The following KIAA1217 variants were observed in gnomAD, a reference collection of about 807,000 sequenced individuals.
KIAA1217 encodes the protein KIAA1217.
In KIAA1217, 88 loss-of-function variants were observed where a neutral mutation model predicts 163.9. That is an observed-to-expected ratio of 0.54 (90% CI 0.45 to 0.64). KIAA1217 has a LOEUF of 0.64. Ranked by LOEUF, KIAA1217 falls within the 30% of genes least tolerant of loss-of-function variation. The probability of loss-of-function intolerance (pLI) is 0.00; values close to 1 mark genes in which losing one functional copy is unlikely to be tolerated. For synonymous variants in KIAA1217, 903 were observed against 923.1 expected (o/e 0.98, Z 0.39); for missense variants, 2,372 against 2,475.0 (o/e 0.96, Z 0.88).
At chr10:23,938,045 A>C (rs1843607303) in intron 1 of KIAA1217, among the ~76,000 whole-genome samples, 1 of 152,174 alleles carries the variant, frequency 6.6e-6, no homozygotes, top group Non-Finnish European at 1.5e-5. Flanking sequence ...GTGAATACAA[A>C]GAGAGCACTG....
chr10:24,222,500 G>A (rs2130901275), intron 2 of KIAA1217, among the ~76,000 whole-genome samples: 1 of 152,206 alleles, frequency 6.6e-6, no homozygotes, highest in African/African-American at 2.4e-5. Context: ...GTTTGTTTTT[G>A]TTTTTGTTTT....
At chr10:23,889,017 T>A (rs1187760031) in intron 1 of KIAA1217, among the ~76,000 whole-genome samples, 1 of 151,904 alleles carries the variant, frequency 6.6e-6, no homozygotes, top group Non-Finnish European at 1.5e-5. Flanking sequence ...GTGGCAAGTA[T>A]CAATCATCTG....
intron 2 of KIAA1217, among the ~76,000 whole-genome samples, chr10:24,048,888 G>C (rs1328996348): frequency 6.6e-6 from 1 of 151,660 alleles, no homozygotes; most frequent in Non-Finnish European, 1.5e-5. Context: ...AAAATTAGCT[G>C]TGTGTGGTGG....
chr10:24,209,299 G>A (rs765381968), intron 1 of KIAA1217, 36 bp downstream of exon 1: 3 of 1,512,646 alleles, frequency 2.0e-6, no homozygotes, highest in East Asian at 4.5e-5. Context: ...GGAGTTACAG[G>A]GACGCGTGCC....
At chr10:24,108,813 C>A (rs2062728790) in intron 2 of KIAA1217, among the ~76,000 whole-genome samples, 1 of 152,114 alleles carries the variant, frequency 6.6e-6, no homozygotes. Context: ...GAGGAATCAA[C>A]ATGTTCTCAA....
At chr10:23,857,090 C>A (rs1350007314) in intron 1 of KIAA1217, among the ~76,000 whole-genome samples, 2 of 152,240 alleles carry the variant, frequency 1.3e-5, no homozygotes, top group Non-Finnish European at 2.9e-5. Context: ...CAGAAATCAC[C>A]CGTCTTCTGT....
chr10:24,062,963 C>G (rs2060789396), intron 2 of KIAA1217, among the ~76,000 whole-genome samples: 1 of 151,496 alleles, frequency 6.6e-6, no homozygotes, highest in Non-Finnish European at 1.5e-5. Context: ...TGTTCATATC[C>G]TTCGCCCACT....
intron 2 of KIAA1217, among the ~76,000 whole-genome samples, chr10:24,119,461 A>G (rs1298719079): frequency 6.6e-6 from 1 of 151,834 alleles, no homozygotes; most frequent in Non-Finnish European, 1.5e-5. Context: ...TTTAAAAAAA[A>G]CAACTCTATA....
At position 23,790,300 on chromosome 10, in the gene KIAA1217, C is replaced by CATATGCATATATACATATGCATATGCAT. The variant is rs1835752543; in HGVS notation, c.-321+95087_-321+95088insTATGCATATATGCATATATACATATGCA. Among the ~76,000 whole-genome samples the CATATGCATATATACATATGCATATGCAT allele has an allele frequency of 3.3e-4, 22 of 67,100 alleles. 11 individuals are homozygous for CATATGCATATATACATATGCATATGCAT. The highest frequency in any genetic ancestry group is 5.4e-4 in the Non-Finnish European group (18 of 33,468). 44.0% of individuals were successfully genotyped at this position (67,100 alleles called of 152,430 possible). A position where few individuals can be genotyped will look rare whatever the true frequency, so the allele number is the denominator to read the frequency against. ...ATGCATATGCACATATGCATATGCA[C>CATATGCATATATACATATGCATATGCAT]ATATGCATATATACATATGCACATA... is the stretch of plus-strand genomic sequence containing the variant. On this transcript the variant is annotated intron_variant, in intron 1 of 18. Coordinates refer to the KIAA1217 transcript ENST00000376462.
rs74125421 is a variant in KIAA1217 at position 24,463,976 on chromosome 10, G to A, written c.847-9252G>A. Among the ~76,000 whole-genome samples the A allele has an allele frequency of 4.7e-3, 714 of 152,308 alleles. 6 individuals are homozygous for A. The highest frequency in any genetic ancestry group is 0.017 in the African/African-American group (687 of 41,580). Reference sequence around the variant, plus strand: ...GATGTAATCAAACCAAAGCGTGGGGGTGTTAGTGGTTGCACACACTCATAC... The same window carrying A: ...GATGTAATCAAACCAAAGCGTGGGGATGTTAGTGGTTGCACACACTCATAC... On this transcript the variant is annotated intron_variant, in intron 5 of 20. Transcript: ENST00000376454.
At chr10:23,885,566 A>T (rs1841136379) in intron 1 of KIAA1217, among the ~76,000 whole-genome samples, 2 of 151,946 alleles carry the variant, frequency 1.3e-5, no homozygotes, top group African/African-American at 4.8e-5. Flanking sequence ...TATAGACTTG[A>T]TCTCCTTAAG....
At chr10:23,977,590 A>T (rs1845592533) in intron 1 of KIAA1217, among the ~76,000 whole-genome samples, 1 of 152,222 alleles carries the variant, frequency 6.6e-6, no homozygotes, top group Non-Finnish European at 1.5e-5. Context: ...CAGCTTTCCA[A>T]AAAGTAAAAC....
At chr10:24,194,417 C>T (rs1360284868) in intron 2 of KIAA1217, among the ~76,000 whole-genome samples, 2 of 148,048 alleles carry the variant, frequency 1.4e-5, no homozygotes. Context: ...AACCTCCTGG[C>T]CTCAAGCCAT....
intron 16 of KIAA1217, among the ~76,000 whole-genome samples, chr10:24,535,702 G>A (rs1340001724): frequency 1.3e-5 from 2 of 152,134 alleles, no homozygotes; most frequent in African/African-American, 4.8e-5. Flanking sequence ...GCTTGAACCC[G>A]GGAAGCAGAG....
chr10:24,065,373 T>C (rs112473826), intron 2 of KIAA1217, among the ~76,000 whole-genome samples: 2 of 152,210 alleles, frequency 1.3e-5, no homozygotes, highest in African/African-American at 4.8e-5. Flanking sequence ...AAAGAACATC[T>C]TTATTTCTGC....
intron 2 of KIAA1217, among the ~76,000 whole-genome samples, chr10:24,311,971 T>C (rs541030409): frequency 6.5e-4 from 99 of 152,312 alleles, no homozygotes; most frequent in African/African-American, 2.3e-3. Flanking sequence ...CTCTCTGCTC[T>C]ACAAAGTGGA....
At chr10:23,834,622 G>C (rs1407976114) in intron 1 of KIAA1217, among the ~76,000 whole-genome samples, 1 of 152,138 alleles carries the variant, frequency 6.6e-6, no homozygotes, top group African/African-American at 2.4e-5. Flanking sequence ...AAAATGATGA[G>C]AGAAATCTTC....
chr10:24,416,986 C>T (rs931640364), intron 3 of KIAA1217, among the ~76,000 whole-genome samples: 1 of 152,124 alleles, frequency 6.6e-6, no homozygotes, highest in African/African-American at 2.4e-5. Flanking sequence ...ACCCCTAATC[C>T]CTGTACTTCC....
At chr10:24,329,404 CA>C (rs1024753830) in intron 2 of KIAA1217, among the ~76,000 whole-genome samples, 3 of 151,768 alleles carry the variant, frequency 2.0e-5, no homozygotes, top group Non-Finnish European at 4.4e-5. Flanking sequence ...TTAATTAATA[CA>C]AAATCTTTTC....
Sources: allele counts gnomAD v4.1 joint callset (sites outside exome capture counted in the v4.1 genomes callset), GRCh38; gene constraint gnomAD v4.1.1; transcripts MANE v1.5; gene names NCBI Gene and HGNC (gene_info 2026-07-23, HGNC 2026-07-21).